Variants in CYP11A1 observed in about 807,000 individuals in gnomAD.
The protein encoded by CYP11A1 is cytochrome P450 family 11 subfamily A member 1.
A neutral mutation model predicts 51.9 loss-of-function variants in CYP11A1; 25 were observed. That is an observed-to-expected ratio of 0.48 (90% CI 0.35 to 0.67). The LOEUF is 0.67. Ranked by LOEUF, CYP11A1 falls within the 30% of genes least tolerant of loss-of-function variation. The pLI, the probability that CYP11A1 is intolerant of heterozygous loss-of-function variation, is 0.00. For missense variants in CYP11A1, 578 were observed against 680.9 expected, an observed-to-expected ratio of 0.85 and a Z score of 1.68; for synonymous variants, 245 against 262.1, an observed-to-expected ratio of 0.93 and a Z score of 0.63.
At chr15:74,353,325 T>C (rs2060664258) in intron 1 of CYP11A1, among the ~76,000 whole-genome samples, 1 of 152,190 alleles carries the variant, frequency 6.6e-6, no homozygotes, top group Admixed American at 6.5e-5. Flanking sequence ...ATTTGGCTAA[T>C]TAACATTTTT....
intron 1 of CYP11A1, among the ~76,000 whole-genome samples, chr15:74,351,321 T>A: frequency 6.6e-6 from 1 of 152,200 alleles, no homozygotes; most frequent in East Asian, 1.9e-4. Context: ...GAGGGACTTT[T>A]TTTAAAAATC....
intron 5 of CYP11A1, among the ~76,000 whole-genome samples, chr15:74,341,976 G>GA (rs1197366076): frequency 1.3e-5 from 2 of 152,174 alleles, no homozygotes; most frequent in African/African-American, 2.4e-5. Context: ...GGAACTGTGA[G>GA]AAAATCAATG....
At position 74,339,767 on chromosome 15, in the gene CYP11A1, G is replaced by C. The variant is rs757560389; in HGVS notation, c.991-14C>G. 11 of 1,613,830 alleles carry C rather than the reference G, an allele frequency of 6.8e-6. No homozygotes were observed. Among genetic ancestry groups the C allele is most frequent in the Non-Finnish European group, 9.3e-6 (11 of 1,179,976 alleles). On this transcript the variant is annotated splice_polypyrimidine_tract_variant and intron_variant, in intron 5 of 8. Transcript: ENST00000268053. ...GGTCATGGACGTCTGGTGGGGAGTA[G>C]GGTATACAGAAGACCAGGAGGGCCT...
Position 74,339,305 on chromosome 15 carries a change from T to C in CYP11A1, c.1168A>G (p.Ile390Val). Residue 390 changes from isoleucine to valine, a missense_variant, in exon 7 of 9, where the codon ATC becomes GTC. Transcript: ENST00000268053. ...SIKETLRLHP[I>V]SVTLQRYLVN... ...AGATATCTCTGCAGGGTCACGGAGATGGGGTGAAGTCTGCGGGAGGAGGGC... is the reference window on the plus strand; with the variant it reads ...AGATATCTCTGCAGGGTCACGGAGACGGGGTGAAGTCTGCGGGAGGAGGGC... 1 of 1,614,138 alleles carries C rather than the reference T, an allele frequency of 6.2e-7. No homozygotes were observed.
chr15:74,344,820 G>A (rs2060624327), intron 3 of CYP11A1: 7 of 599,032 alleles, frequency 1.2e-5, no homozygotes, highest in South Asian at 1.1e-4. Context: ...AGATGAGAGA[G>A]AATGCCAGAT....
intron 1 of CYP11A1, chr15:74,365,419 C>T (rs1235956401): frequency 6.5e-6 from 1 of 152,786 alleles, no homozygotes; most frequent in African/African-American, 2.4e-5. Flanking sequence ...GATCCAGCAC[C>T]CCAGCAGGAC....
chr15:74,365,825 C>G, intron 1 of CYP11A1: 1 of 985,598 alleles, frequency 1.0e-6, no homozygotes, highest in Non-Finnish European at 1.2e-6. Flanking sequence ...GGCCGCAGGC[C>G]GGGCAGAGAA....
intron 4 of CYP11A1, 109 bp downstream of exon 4, chr15:74,343,680 T>G: frequency 1.0e-6 from 1 of 991,592 alleles, no homozygotes; most frequent in Non-Finnish European, 1.6e-6. Flanking sequence ...CCCGCCACAG[T>G]GTGGGTTTCC....
chr15:74,339,521 C>T, intron 6 of CYP11A1, 66 bp downstream of exon 6: 1 of 1,588,252 alleles, frequency 6.3e-7, no homozygotes, highest in Admixed American at 1.7e-5. Context: ...AACCCTTTCC[C>T]CGGGCACTTC....
intron 1 of CYP11A1, chr15:74,361,986 G>T (rs140533408): frequency 1.4e-6 from 2 of 1,403,982 alleles, no homozygotes; most frequent in South Asian, 1.2e-5. Flanking sequence ...GAGCGCTTTG[G>T]GTCCAGGAAT....
chr15:74,346,728 T>G (rs1596161398), intron 2 of CYP11A1, among the ~76,000 whole-genome samples: 1 of 152,190 alleles, frequency 6.6e-6, no homozygotes, highest in African/African-American at 2.4e-5. Flanking sequence ...CTCCCACCAG[T>G]AACAGATGAG....
At chr15:74,351,424 T>C (rs1388752488) in intron 1 of CYP11A1, among the ~76,000 whole-genome samples, 4 of 152,208 alleles carry the variant, frequency 2.6e-5, no homozygotes, top group Non-Finnish European at 5.9e-5. Flanking sequence ...TTTCTTATGC[T>C]AAATTCTTCC....
intron 1 of CYP11A1, among the ~76,000 whole-genome samples, chr15:74,351,464 A>C (rs961254583): frequency 6.6e-6 from 1 of 152,218 alleles, no homozygotes; most frequent in Non-Finnish European, 1.5e-5. Context: ...TAAGGACAAA[A>C]AAAGCCCACG....
chr15:74,339,789 G>T lies in CYP11A1; in HGVS notation c.991-36C>A, dbSNP rs748083807. 2.5e-6 allele frequency: 4 copies of T among 1,610,818 alleles called. No homozygotes were observed. In the East Asian group the frequency reaches 6.7e-5, roughly 27 times the overall value. On this transcript the variant is annotated intron_variant, in intron 5 of 8. Coordinates refer to ENST00000268053, the MANE Select transcript of CYP11A1 (RefSeq NM_000781.3). ...GTAGGGTATACAGAAGACCAGGAGGGCCTGTCACTCCGGGGCCCCTTGAGG... is the reference window on the plus strand; with the variant it reads ...GTAGGGTATACAGAAGACCAGGAGGTCCTGTCACTCCGGGGCCCCTTGAGG...
chr15:74,346,368 AAAAAAG>A (rs1438933698), intron 2 of CYP11A1, among the ~76,000 whole-genome samples: 9 of 145,238 alleles, frequency 6.2e-5, no homozygotes, highest in South Asian at 2.2e-4. Context: ...AAAAAAAAAA[AAAAAAG>A]AAAGAAAGAA....
intron 1 of CYP11A1, 32 bp from the exon 2 acceptor site, chr15:74,348,087 G>A (rs993225113): frequency 6.2e-7 from 1 of 1,611,038 alleles, no homozygotes; most frequent in Non-Finnish European, 8.5e-7. Context: ...GCTGATGGAA[G>A]GATCCGAGGA....
chr15:74,361,553 T>C (rs1025695698), intron 1 of CYP11A1: 2 of 764,698 alleles, frequency 2.6e-6, no homozygotes, highest in Non-Finnish European at 4.5e-6. Flanking sequence ...CTATCAGCCA[T>C]GGTCAACCCC....
At position 74,362,045 on chromosome 15, in the gene CYP11A1, T is replaced by G. The variant is rs1428797987; in HGVS notation, c.269+5272A>C. On this transcript the variant is annotated intron_variant, in intron 1 of 8. Coordinates refer to ENST00000268053, the MANE Select transcript of CYP11A1 (RefSeq NM_000781.3). The stretch of plus-strand genomic sequence containing the variant: ...CATTGCTGACTGTGGACAACTCTAA[T>G]AAGTTTGACTTGTGTTTTATCTTAA... 33 of 1,498,894 alleles carry G rather than the reference T, an allele frequency of 2.2e-5. No individual in the cohort carries two copies. The Admixed American group carries it at 5.5e-4, about 25-fold the overall frequency. 92.8% of individuals were successfully genotyped at this position (1,498,894 alleles called of 1,614,324 possible).
Position 74,345,754 on chromosome 15 carries a change from G to A in CYP11A1, c.426-511C>T, listed in dbSNP as rs554261512. ...GGGGGACCTCAGGTGCCCCGAACTGGGTTGGTCATAATAAACCTTAATTCA... is the reference window on the plus strand; with the variant it reads ...GGGGGACCTCAGGTGCCCCGAACTGAGTTGGTCATAATAAACCTTAATTCA... On this transcript the variant is annotated intron_variant, in intron 2 of 8. Coordinates refer to ENST00000268053, the MANE Select transcript of CYP11A1 (RefSeq NM_000781.3). This position sits in a 1 kb window ranked among gnomAD's most constrained non-coding sequence, Gnocchi z 4.3. 3.3e-5 allele frequency among the ~76,000 whole-genome samples: 5 copies of A among 152,100 alleles called. No individual in the cohort carries two copies. The highest frequency in any genetic ancestry group is 7.4e-5 in the Non-Finnish European group (5 of 68,022).
Sources: gnomAD v4.1 joint callset for allele counts (sites outside exome capture counted in the v4.1 genomes callset) on GRCh38, gnomAD v4.1.1 for gene constraint, Gnocchi (gnomAD v3.1) non-coding constraint, MANE v1.5 for transcripts, NCBI Gene and HGNC (gene_info 2026-07-23, HGNC 2026-07-21) for gene names.